LYSMD4: variants seen among roughly 807,000 people sequenced by gnomAD.
LYSMD4 encodes LysM domain containing 4, also known as lysM and putative peptidoglycan-binding domain-containing protein 4.
LYSMD4 carries 9 observed loss-of-function variants against 6.1 expected under a neutral mutation model. The ratio of observed to expected loss-of-function variants is 1.47; its 90% confidence interval spans 0.88 to 2.56. The LOEUF (loss-of-function observed/expected upper bound fraction) is 2.56, where lower values mean the gene tolerates loss of function less well. LYSMD4 is among the 30% of genes most tolerant of loss of function. The pLI, the probability that LYSMD4 is intolerant of heterozygous loss-of-function variation, is 0.00. For synonymous variants in LYSMD4, 143 were observed against 148.5 expected, an observed-to-expected ratio of 0.96 and a Z score of 0.27; for missense variants, 384 against 373.5, an observed-to-expected ratio of 1.03 and a Z score of -0.23.
chr15:99,724,443 A>G (rs1187199011), downstream of LYSMD4, among the ~76,000 whole-genome samples: 3 of 152,094 alleles, frequency 2.0e-5, no homozygotes, highest in Non-Finnish European at 4.4e-5. Context: ...GTAATTTTTC[A>G]TTACAGATGG....
At chr15:99,726,034 A>G (rs2059276990), downstream of LYSMD4, among the ~76,000 whole-genome samples, 1 of 151,264 alleles carries the variant, frequency 6.6e-6, no homozygotes, top group Non-Finnish European at 1.5e-5. Flanking sequence ...ACCATGGCTT[A>G]TATGATTGTT....
At chr15:99,731,306 TACC>T in intron 2 of LYSMD4, 7 of 1,600,876 alleles carry the variant, frequency 4.4e-6, no homozygotes, top group Non-Finnish European at 6.0e-6. Context: ...TCAAGTAAGC[TACC>T]ACCAAGAAAG....
chr15:99,717,508 T>TCAGACTGGGGCTTAAAACAC (rs869092363), exon 1 of LYSMD4: 4 of 151,796 alleles, frequency 2.6e-5, no homozygotes, highest in African/African-American at 9.7e-5. Context: ...CCAGGAGGTT[T>TCAGACTGGGGCTTAAAACAC]CAGACGTTCC....
exon 1 of LYSMD4, chr15:99,716,559 A>G: frequency 4.4e-6 from 2 of 456,692 alleles, no homozygotes; most frequent in Middle Eastern, 6.5e-4. Context: ...CCCTTCCCCT[A>G]AAGCCCTCTC....
upstream of LYSMD4, among the ~76,000 whole-genome samples, chr15:99,719,300 C>T (rs77429094): frequency 6.6e-6 from 1 of 152,304 alleles, no homozygotes; most frequent in Non-Finnish European, 1.5e-5. Flanking sequence ...TTTTATTTCA[C>T]TTTCGGCACC....
rs746011521 is a variant in LYSMD4, at chr15:99,729,490, T to C, written c.524A>G (p.Gln175Arg). Residue 175 changes from glutamine to arginine, a missense_variant, in exon 3 of 3, where the codon CAG becomes CGG. Physicochemically the swap from Gln to Arg is conservative, Grantham distance 43. Coordinates refer to ENST00000684762, the MANE Select transcript of LYSMD4 (RefSeq NM_001284417.2). The part of the protein sequence containing the change: ...QLMGFFKGID[Q>R]DIERAVQSEI... ...TGACTGCACTGCACGCTCAATATCC[T>C]GGTCAATCCCCTTAAAGAAGCCCAT... is the stretch of plus-strand genomic sequence containing the variant. 2 of 1,614,038 alleles carry C rather than the reference T, an allele frequency of 1.2e-6. No individual in the cohort carries two copies. Among genetic ancestry groups the C allele is most frequent in the African/African-American group, 1.3e-5 (1 of 74,926 alleles).
chr15:99,725,482 ACTGT>A (rs2059271136), downstream of LYSMD4, among the ~76,000 whole-genome samples: 2 of 151,810 alleles, frequency 1.3e-5, no homozygotes, highest in Admixed American at 6.6e-5. Flanking sequence ...TACTTCTCAA[ACTGT>A]CTTTTTCTCA....
At chr15:99,731,074 T>C in intron 2 of LYSMD4, 1 of 1,133,806 alleles carries the variant, frequency 8.8e-7, no homozygotes, top group East Asian at 2.4e-5. Flanking sequence ...TATATACCCC[T>C]AGAGAAGGCC....
chr15:99,731,956 G>T lies in LYSMD4; in HGVS notation c.44C>A (p.Ala15Asp). 1 of 1,606,924 alleles carries T rather than the reference G, an allele frequency of 6.2e-7. No homozygotes were observed. Among genetic ancestry groups the T allele is most frequent in the Non-Finnish European group, 8.5e-7 (1 of 1,176,552 alleles). The change falls in exon 2 of 3, where the codon GCT (alanine) becomes GAT (aspartate). Residue 15 changes from alanine to aspartate, a missense_variant. Coordinates refer to ENST00000684762, the MANE Select transcript of LYSMD4 (RefSeq NM_001284417.2). ...ELLTKTFQGP[A>D]VVCGTPTSHV... ...GCTGGTCGGAGTCCCACACACAACA[G>T]CTGGGCCTTGGAAGGTCTTGGTTAA...
chr15:99,731,036 A>G, intron 2 of LYSMD4: 1 of 764,448 alleles, frequency 1.3e-6, no homozygotes, highest in South Asian at 1.8e-5. Context: ...CACTTGTAGG[A>G]GAAAGAGATT....
At chr15:99,718,611 G>C (rs1017788180), upstream of LYSMD4, among the ~76,000 whole-genome samples, 2 of 152,104 alleles carry the variant, frequency 1.3e-5, no homozygotes, top group Non-Finnish European at 2.9e-5. Context: ...CTATAATCCT[G>C]TCATTATTTT....
rs112819619 is a variant in LYSMD4, at chr15:99,731,590, G to C, written c.282+128C>G. 1.2e-5 allele frequency: 18 copies of C among 1,524,636 alleles called. No homozygotes were observed. In the African/African-American group the frequency reaches 1.4e-4, roughly 12 times the overall value. 94.4% of individuals were successfully genotyped at this position (1,524,636 alleles called of 1,614,324 possible). On this transcript the variant is annotated intron_variant, in intron 2 of 2. Transcript: ENST00000684762. ...ATTCTGGCTAAATAGGGGAGTCCTT[G>C]GCTGCTACAGCAGGCCTCTCCTGAC...
upstream of LYSMD4, among the ~76,000 whole-genome samples, chr15:99,718,000 C>A (rs2059202970): frequency 6.6e-6 from 1 of 152,212 alleles, no homozygotes; most frequent in Non-Finnish European, 1.5e-5. Context: ...ATTTACATAA[C>A]CATAGTACAA....
Position 99,732,129 on chromosome 15 carries a change from T to C in LYSMD4, c.-8-122A>G, listed in dbSNP as rs1316241943. On this transcript the variant is annotated intron_variant, in intron 1 of 2. Transcript: ENST00000684762. ...TCCTAATCGCTGCAAATACTCAGCA[T>C]ACATCATCAACAGAAAAAAAAGAAT... 4.8e-6 allele frequency: 5 copies of C among 1,043,566 alleles called. No homozygotes were observed. In the Admixed American group the frequency reaches 8.8e-5, roughly 18 times the overall value. 64.6% of individuals were successfully genotyped at this position (1,043,566 alleles called of 1,614,324 possible).
chr15:99,732,066 C>G, intron 1 of LYSMD4, 59 bp from the exon 2 acceptor site: 1 of 1,474,070 alleles, frequency 6.8e-7, no homozygotes, highest in Non-Finnish European at 9.1e-7. Flanking sequence ...TCCACCGCCT[C>G]GTTTAAAGAG....
At chr15:99,718,909 GCACACACACACACACACACA>G (rs57143734), upstream of LYSMD4, among the ~76,000 whole-genome samples, 5 of 150,604 alleles carry the variant, frequency 3.3e-5, no homozygotes, top group African/African-American at 1.2e-4. Context: ...GTAGTTATGC[GCACACACACACACACACACA>G]CACACACACA....
upstream of LYSMD4, chr15:99,720,825 C>T (rs560932915): frequency 5.3e-5 from 8 of 152,340 alleles, no homozygotes; most frequent in African/African-American, 1.2e-4. Context: ...CAGGCACTGT[C>T]GAGGGACCTT....
chr15:99,731,795 C>G lies in LYSMD4; in HGVS notation c.205G>C (p.Gly69Arg). The change falls in exon 2 of 3, where the codon GGT becomes CGT. Residue 69 changes from glycine to arginine, a missense_variant. Physicochemically the swap from Gly to Arg is moderately radical, Grantham distance 125. Transcript: ENST00000684762. ...GVHQPPQAGAGDVVLLQRELA... is the reference protein window; with the variant it reads ...GVHQPPQAGARDVVLLQRELA... ...TCCCGCTGCAGCAGCACCACGTCAC[C>G]TGCTCCCGCCTGGGGAGGCTGGTGG... The G allele has an allele frequency of 6.2e-7, 1 of 1,612,166 alleles. No homozygotes were observed. The highest frequency in any genetic ancestry group is 8.5e-7 in the Non-Finnish European group (1 of 1,179,880).
intron 2 of LYSMD4, among the ~76,000 whole-genome samples, chr15:99,730,437 T>C (rs900140110): frequency 6.9e-6 from 1 of 144,852 alleles, no homozygotes. Flanking sequence ...GCAGGGAGAA[T>C]GTAAGTCAAA....
Sources: allele counts gnomAD v4.1 joint callset (sites outside exome capture counted in the v4.1 genomes callset), GRCh38; gene constraint gnomAD v4.1.1; transcripts MANE v1.5; gene names NCBI Gene and HGNC (gene_info 2026-07-23, HGNC 2026-07-21).